Variants in ATG10 observed in about 807,000 individuals in gnomAD.
The protein encoded by ATG10 is autophagy related 10.
A neutral mutation model predicts 32.1 loss-of-function variants in ATG10; 30 were observed. The observed-to-expected ratio is 0.94, with a 90% confidence interval of 0.70 to 1.27. The LOEUF (loss-of-function observed/expected upper bound fraction) is 1.27. Among genes scored for constraint, ATG10 ranks in the 50% most tolerant of loss-of-function variants. The pLI, the probability that ATG10 is intolerant of heterozygous loss-of-function variation, is 0.00. For missense variants in ATG10, 233 were observed against 262.3 expected (o/e 0.89, Z 0.77); for synonymous variants, 87 against 91.5 (o/e 0.95, Z 0.28).
At chr5:82,099,485 A>G (rs547518056) in intron 3 of ATG10, among the ~76,000 whole-genome samples, 4 of 152,182 alleles carry the variant, frequency 2.6e-5, no homozygotes, top group African/African-American at 9.6e-5. Flanking sequence ...ATAGACACAT[A>G]GAACTCTTAT....
At chr5:82,084,329 A>T (rs1454887802) in intron 3 of ATG10, among the ~76,000 whole-genome samples, 1 of 152,232 alleles carries the variant, frequency 6.6e-6, no homozygotes, top group Non-Finnish European at 1.5e-5. Flanking sequence ...ATATGGAACT[A>T]TGTGAAAATA....
chr5:82,216,052 T>A (rs774773478), intron 5 of ATG10, among the ~76,000 whole-genome samples: 6 of 152,126 alleles, frequency 3.9e-5, no homozygotes, highest in Non-Finnish European at 7.4e-5. Flanking sequence ...TTAGTGATGA[T>A]AGAATGTATA....
intron 5 of ATG10, 44 bp from the exon 6 acceptor site, chr5:82,252,518 C>G (rs1381517132): frequency 1.6e-6 from 2 of 1,213,612 alleles, no homozygotes; most frequent in East Asian, 2.4e-5. Context: ...TTAGCCTTTT[C>G]AAAGTAACTC....
intron 2 of ATG10, among the ~76,000 whole-genome samples, chr5:82,056,267 G>T (rs755479327): frequency 1.3e-5 from 2 of 152,084 alleles, no homozygotes; most frequent in Non-Finnish European, 2.9e-5. Flanking sequence ...AAGCAAAGAA[G>T]GGACTTTTTG....
At chr5:81,975,804 T>G (rs994942858) in intron 1 of ATG10, among the ~76,000 whole-genome samples, 2 of 152,052 alleles carry the variant, frequency 1.3e-5, no homozygotes, top group Non-Finnish European at 2.9e-5. Flanking sequence ...CTTTTGTAGC[T>G]TAGAGTTTTA....
chr5:82,057,571 T>C (rs1282333803), intron 2 of ATG10, among the ~76,000 whole-genome samples: 1 of 152,184 alleles, frequency 6.6e-6, no homozygotes, highest in African/African-American at 2.4e-5. Flanking sequence ...TCCTTATTAT[T>C]TTAATTCTAT....
intron 3 of ATG10, among the ~76,000 whole-genome samples, chr5:82,068,163 C>T (rs773885968): frequency 4.6e-4 from 70 of 152,058 alleles, no homozygotes; most frequent in Middle Eastern, 3.4e-3. Context: ...TGCCCATCAA[C>T]GATAGACTGG....
In ATG10 at chr5:81,972,119, G is replaced by A. The variant is rs1050688496; in HGVS notation, c.-200G>A. 1 of 152,280 alleles carries A rather than the reference G, an allele frequency of 6.6e-6. No individual in the cohort carries two copies. The highest frequency in any genetic ancestry group is 1.5e-5 in the Non-Finnish European group (1 of 68,084). The allele number at this position is 152,280 out of a possible 1,614,324, so 9.4% of individuals were successfully genotyped here. Reference sequence around the variant, plus strand: ...CACGGCCACTTCTGGTTGGCCTCGGGGCGCGCTGGCTCGGCTCTTCCTCCG... The same window carrying A: ...CACGGCCACTTCTGGTTGGCCTCGGAGCGCGCTGGCTCGGCTCTTCCTCCG... On this transcript the variant is annotated 5_prime_UTR_variant, in exon 1 of 8. Transcript: ENST00000282185.
At chr5:82,035,751 TA>T (rs1253776433) in intron 2 of ATG10, among the ~76,000 whole-genome samples, 6 of 148,050 alleles carry the variant, frequency 4.1e-5, no homozygotes, top group Non-Finnish European at 8.9e-5. Context: ...GATTATATAT[TA>T]TATAATAATA....
chr5:82,189,974 A>G (rs1744594462), intron 5 of ATG10, among the ~76,000 whole-genome samples: 1 of 152,178 alleles, frequency 6.6e-6, no homozygotes, highest in Non-Finnish European at 1.5e-5. Flanking sequence ...ATAGTTAATC[A>G]TGGGCACCTC....
intron 1 of ATG10, among the ~76,000 whole-genome samples, chr5:81,984,529 G>A (rs1009227783): frequency 1.4e-4 from 22 of 152,234 alleles, no homozygotes; most frequent in Admixed American, 9.8e-4. Context: ...GTCACCTGTA[G>A]TCTGAATTTA....
intron 1 of ATG10, chr5:81,973,049 CA>C (rs1760770288): frequency 6.6e-6 from 1 of 152,054 alleles, no homozygotes; most frequent in African/African-American, 2.4e-5. Context: ...AATGGAGATG[CA>C]AATTATTTCT....
At chr5:82,042,266 A>G (rs1289040746) in intron 2 of ATG10, among the ~76,000 whole-genome samples, 1 of 152,190 alleles carries the variant, frequency 6.6e-6, no homozygotes, top group Non-Finnish European at 1.5e-5. Flanking sequence ...AGAGAGCAAG[A>G]GTAAAGGGGG....
intron 3 of ATG10, among the ~76,000 whole-genome samples, chr5:82,124,235 C>G (rs559880333): frequency 6.6e-6 from 1 of 151,550 alleles, no homozygotes; most frequent in Non-Finnish European, 1.5e-5. Flanking sequence ...GATCTCCTGA[C>G]CTTGTGATCT....
At chr5:82,099,658 G>A (rs1213969748) in intron 3 of ATG10, among the ~76,000 whole-genome samples, 3 of 152,068 alleles carry the variant, frequency 2.0e-5, no homozygotes, top group South Asian at 4.1e-4. Context: ...GCACAAGTCA[G>A]TCTTACTCTG....
intron 2 of ATG10, among the ~76,000 whole-genome samples, chr5:82,030,369 C>T (rs1320268911): frequency 6.6e-6 from 1 of 152,252 alleles, no homozygotes; most frequent in East Asian, 1.9e-4. Context: ...AAAAATTTTG[C>T]TCCCTAGTTG....
chr5:82,055,866 A>G (rs964251721), intron 2 of ATG10, among the ~76,000 whole-genome samples: 20 of 152,218 alleles, frequency 1.3e-4, no homozygotes, highest in Admixed American at 6.5e-5. Flanking sequence ...TAGATACACA[A>G]ATACTTACAA....
intron 2 of ATG10, among the ~76,000 whole-genome samples, chr5:82,019,961 G>T (rs1762391747): frequency 6.6e-6 from 1 of 152,222 alleles, no homozygotes; most frequent in Admixed American, 6.5e-5. Context: ...GTAGAAGGGG[G>T]ATGGTGACTG....
intron 6 of ATG10, 141 bp from the exon 7 acceptor site, chr5:82,253,173 T>C: frequency 7.9e-6 from 5 of 634,520 alleles, no homozygotes; most frequent in Non-Finnish European, 1.4e-5. Flanking sequence ...CATTCAGAAA[T>C]GCTGAGATTC....
Sources: allele counts gnomAD v4.1 joint callset (sites outside exome capture counted in the v4.1 genomes callset), GRCh38; gene constraint gnomAD v4.1.1; transcripts MANE v1.5; gene names NCBI Gene and HGNC (gene_info 2026-07-23, HGNC 2026-07-21).